ABAT: variants seen among roughly 807,000 people sequenced by gnomAD.
ABAT encodes the protein 4-aminobutyrate aminotransferase, mitochondrial.
ABAT carries 45 observed loss-of-function variants against 64.6 expected under a neutral mutation model. The observed-to-expected ratio is 0.70, with a 90% CI of 0.55 to 0.89. ABAT has a LOEUF of 0.89. Among genes scored for constraint, ABAT ranks in the 40% least tolerant of loss-of-function variants. The probability of loss-of-function intolerance (pLI) is 0.00; values close to 1 mark genes in which losing one functional copy is unlikely to be tolerated. For synonymous variants in ABAT, 297 were observed against 250.5 expected (o/e 1.19, Z -1.75); for missense variants, 633 against 658.4 (o/e 0.96, Z 0.42).
chr16:8,715,291 G>C (rs2058181948), intron 1 of ABAT: 1 of 152,154 alleles, frequency 6.6e-6, no homozygotes, highest in African/African-American at 2.4e-5. Flanking sequence ...TGCAATGTTT[G>C]ATCCTAGGAT....
intron 1 of ABAT, among the ~76,000 whole-genome samples, chr16:8,723,925 C>T (rs2058458597): frequency 6.7e-6 from 1 of 148,310 alleles, no homozygotes; most frequent in African/African-American, 2.5e-5. Context: ...ACTGCAACCC[C>T]CACCTCCCGG....
chr16:8,761,954 T>C (rs2059808690), intron 6 of ABAT, among the ~76,000 whole-genome samples: 2 of 151,120 alleles, frequency 1.3e-5, no homozygotes, highest in African/African-American at 4.8e-5. Flanking sequence ...GATTTCTTTT[T>C]TCTTCTTCTT....
In ABAT at chr16:8,691,267, G is replaced by C. The variant is rs571353775; in HGVS notation, c.-42+16556G>C. On this transcript the variant is annotated intron_variant, in intron 1 of 15. Transcript: ENST00000268251. ...GGTTTCAAACCCATTTTACAGATGAGGGGCTATTACAGAACTTGCACCAGG... is the reference window on the plus strand; with the variant it reads ...GGTTTCAAACCCATTTTACAGATGACGGGCTATTACAGAACTTGCACCAGG... Among the ~76,000 whole-genome samples, 4 of 152,234 alleles carry C rather than the reference G, an allele frequency of 2.6e-5. No individual in the cohort carries two copies. In the South Asian group the frequency reaches 8.3e-4, roughly 32 times the overall value.
At chr16:8,727,151 G>A (rs542145393) in intron 1 of ABAT, among the ~76,000 whole-genome samples, 4 of 152,090 alleles carry the variant, frequency 2.6e-5, no homozygotes, top group East Asian at 1.9e-4. Flanking sequence ...TTGCCTCTTC[G>A]CTTTGTTGGT....
chr16:8,735,980 G>A, intron 2 of ABAT, 171 bp downstream of exon 2: 1 of 629,158 alleles, frequency 1.6e-6, no homozygotes, highest in South Asian at 1.8e-5. Flanking sequence ...GTACACCTGA[G>A]ACTGGGTATT....
chr16:8,738,305 T>C (rs2059042907), intron 2 of ABAT: 1 of 415,560 alleles, frequency 2.4e-6, no homozygotes, highest in Non-Finnish European at 4.8e-6. Context: ...TGGGTGGCCT[T>C]GTCTTAAAAT....
At chr16:8,749,621 C>T (rs1290723391) in intron 4 of ABAT, among the ~76,000 whole-genome samples, 1 of 151,392 alleles carries the variant, frequency 6.6e-6, no homozygotes, top group Non-Finnish European at 1.5e-5. Flanking sequence ...GTTTCGAACT[C>T]CTCACCTCAG....
chr16:8,772,874 CA>C lies in ABAT; in HGVS notation c.912del (p.Ser305ProfsTer8). ...CAGTCCGAGGGTGGAGACAACCACG[CA>C]TCCGATGACTTCTTTCGGAAGCTGA... ...PIQSEGGDNHASDDFFRKLRD... is the reference protein window; with the variant it reads ...PIQSEGGDNHXSDDFFRKLRD... On this transcript the variant is annotated frameshift_variant, in exon 12 of 16. Transcript: ENST00000268251. LOFTEE classifies it high-confidence loss of function. 1 of 1,614,016 alleles carries C rather than the reference CA, an allele frequency of 6.2e-7. No homozygotes were observed. Among genetic ancestry groups the C allele is most frequent in the Non-Finnish European group, 8.5e-7 (1 of 1,179,968 alleles).
chr16:8,738,714 G>C lies in ABAT; in HGVS notation c.70+2905G>C, dbSNP rs960915664. Among the ~76,000 whole-genome samples the C allele has an allele frequency of 3.4e-5, 5 of 147,872 alleles. No homozygotes were observed. The East Asian group carries it at 1.0e-3, about 30-fold the overall frequency. ...TGGAGTGGTGCCGTGGTGCAATCTC[G>C]ACTCACTGCAACCTCCACCTCCCGG... is the stretch of plus-strand genomic sequence containing the variant. On this transcript the variant is annotated intron_variant, in intron 2 of 15. Coordinates refer to ENST00000268251, the MANE Select transcript of ABAT (RefSeq NM_020686.6).
chr16:8,723,478 G>A (rs928074771), intron 1 of ABAT, among the ~76,000 whole-genome samples: 1 of 152,164 alleles, frequency 6.6e-6, no homozygotes, highest in African/African-American at 2.4e-5. Context: ...TGCAGGGAAA[G>A]TCTGCCTATC....
chr16:8,722,796 A>G (rs1375381197), intron 1 of ABAT: 4 of 1,288,974 alleles, frequency 3.1e-6, no homozygotes, highest in Non-Finnish European at 4.0e-6. Flanking sequence ...AGCGGATTGC[A>G]AAGGGCCTGG....
chr16:8,745,340 C>T (rs1327568553), intron 2 of ABAT, among the ~76,000 whole-genome samples: 1 of 152,102 alleles, frequency 6.6e-6, no homozygotes, highest in African/African-American at 2.4e-5. Flanking sequence ...TCTTTGTGTA[C>T]TGGTCCCATT....
At chr16:8,697,586 C>A (rs1199538804) in intron 1 of ABAT, among the ~76,000 whole-genome samples, 1 of 152,046 alleles carries the variant, frequency 6.6e-6, no homozygotes, top group African/African-American at 2.4e-5. Flanking sequence ...GAATTTGAAA[C>A]TCCCTTTCCT....
intron 6 of ABAT, among the ~76,000 whole-genome samples, chr16:8,759,586 C>T (rs1345221499): frequency 6.6e-6 from 1 of 152,170 alleles, no homozygotes; most frequent in Non-Finnish European, 1.5e-5. Flanking sequence ...AATCATGGCT[C>T]ACTGCAGCCT....
chr16:8,732,809 C>T (rs1372153519), intron 1 of ABAT, among the ~76,000 whole-genome samples: 2 of 148,894 alleles, frequency 1.3e-5, no homozygotes, highest in African/African-American at 2.5e-5. Flanking sequence ...CGGGCAGAGG[C>T]GCCCCTCACC....
At chr16:8,715,719 G>C (rs1386370153) in intron 1 of ABAT, 1 of 150,142 alleles carries the variant, frequency 6.7e-6, no homozygotes, top group Non-Finnish European at 1.5e-5. Context: ...TTAGATAATA[G>C]TATTTATAGT....
intron 1 of ABAT, among the ~76,000 whole-genome samples, chr16:8,728,523 T>A (rs1039063840): frequency 6.6e-6 from 1 of 151,550 alleles, no homozygotes; most frequent in African/African-American, 2.4e-5. Context: ...GCTAAATTAA[T>A]AGGCTTGCAT....
chr16:8,713,733 G>T, intron 1 of ABAT: 1 of 386,048 alleles, frequency 2.6e-6, no homozygotes, highest in Admixed American at 2.8e-5. Context: ...CTCCTGAGGA[G>T]GGAGCTGGTG....
At chr16:8,710,915 T>C (rs146098526) in intron 1 of ABAT, among the ~76,000 whole-genome samples, 285 of 152,278 alleles carry the variant, frequency 1.9e-3, no homozygotes, top group African/African-American at 6.7e-3. Flanking sequence ...CGACATTTAT[T>C]ACAACCAGCA....
Sources: gnomAD v4.1 joint callset for allele counts (sites outside exome capture counted in the v4.1 genomes callset) on GRCh38, gnomAD v4.1.1 for gene constraint, MANE v1.5 for transcripts, NCBI Gene and HGNC (gene_info 2026-07-23, HGNC 2026-07-21) for gene names.